The following PKP4 variants were observed in gnomAD, a reference collection of about 807,000 sequenced individuals.
PKP4 encodes plakophilin-4.
A neutral mutation model predicts 145.1 loss-of-function variants in PKP4; 90 were observed. The observed-to-expected ratio is 0.62, with a 90% CI of 0.52 to 0.74. The LOEUF is 0.74. PKP4 is among the 30% of genes least tolerant of loss of function. The pLI, the probability that PKP4 is intolerant of heterozygous loss-of-function variation, is 0.00. For missense variants in PKP4, 1,340 were observed against 1,482.7 expected (o/e 0.90, Z 1.58); for synonymous variants, 563 against 577.2 (o/e 0.98, Z 0.35).
Position 158,662,940 on chromosome 2 carries a change from G to A in PKP4, c.2255G>A (p.Arg752Gln), listed in dbSNP as rs754397197. 6.2e-6 allele frequency: 10 copies of A among 1,612,972 alleles called. No homozygotes were observed. Among genetic ancestry groups the A allele is most frequent in the South Asian group, 1.1e-5 (1 of 90,988 alleles). Residue 752 changes from arginine to glutamine, a missense_variant, in exon 14 of 22, where the codon CGG becomes CAG. By Grantham distance (43) the Arg-to-Gln change is conservative (BLOSUM62 1). Coordinates refer to ENST00000389759, the MANE Select transcript of PKP4 (RefSeq NM_003628.6). The part of the protein sequence containing the change: ...CVCTLRNLSY[R>Q]LELEVPQARL... ...TGCACCCTGAGGAACCTGTCCTATCGGCTGGAGCTGGAGGTGCCCCAGGCC... is the reference window on the plus strand; with the variant it reads ...TGCACCCTGAGGAACCTGTCCTATCAGCTGGAGCTGGAGGTGCCCCAGGCC...
intron 21 of PKP4, among the ~76,000 whole-genome samples, 154 bp from the exon 22 acceptor site, chr2:158,680,275 C>T (rs560415646): frequency 3.3e-5 from 5 of 152,304 alleles, no homozygotes; most frequent in South Asian, 4.1e-4. Flanking sequence ...CAATAGTAAA[C>T]GCATAGTGTG....
chr2:158,680,690 C>G lies in PKP4; in HGVS notation c.*13C>G, dbSNP rs1434933722. The G allele has an allele frequency of 6.3e-7, 1 of 1,590,002 alleles. No individual in the cohort carries two copies. Among genetic ancestry groups the G allele is most frequent in the Non-Finnish European group, 8.5e-7 (1 of 1,169,954 alleles). On this transcript the variant is annotated 3_prime_UTR_variant, in exon 22 of 22. Coordinates refer to ENST00000389759, the MANE Select transcript of PKP4 (RefSeq NM_003628.6). ...CTCATGGGTGTAGCATCAAGATGCC[C>G]AACAGAGGAACTCTTTCTTTCTAAC...
chr2:158,561,868 CAT>C (rs2046553013), intron 2 of PKP4, among the ~76,000 whole-genome samples: 1 of 151,050 alleles, frequency 6.6e-6, no homozygotes, highest in South Asian at 2.1e-4. Flanking sequence ...ATACATGTGA[CAT>C]GTTGGTTTGC....
intron 2 of PKP4, among the ~76,000 whole-genome samples, chr2:158,541,284 C>T (rs2044504527): frequency 6.6e-6 from 1 of 152,114 alleles, no homozygotes; most frequent in Non-Finnish European, 1.5e-5. Context: ...CATATGGTCT[C>T]ACTTCATCTG....
At chr2:158,658,404 A>G (rs2056202099) in intron 12 of PKP4, 90 bp downstream of exon 12, 2 of 777,348 alleles carry the variant, frequency 2.6e-6, no homozygotes, top group Non-Finnish European at 4.1e-6. Flanking sequence ...CTTTATTAAC[A>G]TCTATCTAAG....
Position 158,608,572 on chromosome 2 carries a change from AT to A in PKP4, c.280+5476del, listed in dbSNP as rs1375673152. On this transcript the variant is annotated intron_variant, in intron 4 of 21. Coordinates refer to ENST00000389759, the MANE Select transcript of PKP4 (RefSeq NM_003628.6). ...TCAAGCCTAGTAGTTACATTTACTA[AT>A]TTTTTTTCCTTTGAGGGGAAGGAGG... Among the ~76,000 whole-genome samples, 4 of 151,940 alleles carry A rather than the reference AT, an allele frequency of 2.6e-5. No individual in the cohort carries two copies. The East Asian group carries it at 5.8e-4, about 22-fold the overall frequency.
chr2:158,550,383 T>G (rs2045511135), intron 2 of PKP4, among the ~76,000 whole-genome samples: 1 of 144,104 alleles, frequency 6.9e-6, no homozygotes, highest in African/African-American at 2.4e-5. Flanking sequence ...TAATGAGTTT[T>G]GACAAATGAA....
chr2:158,611,799 A>T (rs897549378), intron 4 of PKP4, among the ~76,000 whole-genome samples: 1 of 152,174 alleles, frequency 6.6e-6, no homozygotes, highest in Non-Finnish European at 1.5e-5. Context: ...ACTTTATCAT[A>T]TATTTCTTCC....
At chr2:158,656,307 G>T (rs2055910196) in intron 11 of PKP4, among the ~76,000 whole-genome samples, 2 of 152,136 alleles carry the variant, frequency 1.3e-5, no homozygotes, top group Non-Finnish European at 2.9e-5. Flanking sequence ...TGGAGAAATA[G>T]CTCCAACTGT....
chr2:158,568,002 A>G (rs1037146969), intron 2 of PKP4, among the ~76,000 whole-genome samples: 1 of 152,114 alleles, frequency 6.6e-6, no homozygotes, highest in African/African-American at 2.4e-5. Context: ...GTGGTTTTCA[A>G]CCTTCCGTGT....
chr2:158,534,250 G>A (rs577288774), intron 2 of PKP4, among the ~76,000 whole-genome samples: 13 of 152,188 alleles, frequency 8.5e-5, no homozygotes, highest in Admixed American at 2.6e-4. Context: ...TTACCTTATT[G>A]TTGTACTATT....
At chr2:158,531,341 TTTGGTTC>T (rs1441811748) in intron 1 of PKP4, among the ~76,000 whole-genome samples, 3 of 152,198 alleles carry the variant, frequency 2.0e-5, no homozygotes, top group Non-Finnish European at 4.4e-5. Flanking sequence ...ATTTAAAATT[TTTGGTTC>T]TTGGCATTAT....
At chr2:158,669,632 A>T in intron 16 of PKP4, 88 bp from the exon 17 acceptor site, 1 of 1,069,744 alleles carries the variant, frequency 9.3e-7, no homozygotes. Context: ...TTTTATTTTT[A>T]AGAGATTGCA....
At chr2:158,588,287 T>TA (rs1164130321) in intron 3 of PKP4, 1 of 152,242 alleles carries the variant, frequency 6.6e-6, no homozygotes, top group Non-Finnish European at 1.5e-5. Context: ...TTGAGCAGTG[T>TA]AAAAAAGTTC....
intron 1 of PKP4, among the ~76,000 whole-genome samples, chr2:158,483,437 C>T (rs968968485): frequency 3.3e-5 from 5 of 151,222 alleles, no homozygotes; most frequent in African/African-American, 1.2e-4. Flanking sequence ...CTCCAACTTG[C>T]TGTTTCTAAA....
chr2:158,658,542 A>C (rs2056222015), intron 12 of PKP4: 1 of 402,038 alleles, frequency 2.5e-6, no homozygotes, highest in Non-Finnish European at 4.3e-6. Flanking sequence ...TTACTCAGAA[A>C]GGCCCTTTCA....
chr2:158,532,204 T>C (rs2043616557), intron 1 of PKP4, among the ~76,000 whole-genome samples: 1 of 152,194 alleles, frequency 6.6e-6, no homozygotes, highest in Admixed American at 6.5e-5. Flanking sequence ...AAGAGAAAAC[T>C]GAAGAATGTT....
At chr2:158,676,684 G>A (rs2058037703) in intron 19 of PKP4, 55 bp from the exon 20 acceptor site, 1 of 1,606,404 alleles carries the variant, frequency 6.2e-7, no homozygotes, top group Non-Finnish European at 8.5e-7. Flanking sequence ...CACAGATACT[G>A]ATGCTGATTT....
At chr2:158,524,586 A>G (rs2042770143) in intron 1 of PKP4, among the ~76,000 whole-genome samples, 1 of 19,904 alleles carries the variant, frequency 5.0e-5, no homozygotes, top group Admixed American at 9.0e-4. Flanking sequence ...AACGAGCAAA[A>G]TCACCAGCTA....
Sources: gnomAD v4.1 joint callset for allele counts (sites outside exome capture counted in the v4.1 genomes callset) on GRCh38, gnomAD v4.1.1 for gene constraint, MANE v1.5 for transcripts, NCBI Gene and HGNC (gene_info 2026-07-23, HGNC 2026-07-21) for gene names.